TSPAN5: variants seen among roughly 807,000 people sequenced by gnomAD.
TSPAN5 encodes tetraspanin-5.
A neutral mutation model predicts 37.1 loss-of-function variants in TSPAN5; 10 were observed. The observed-to-expected ratio is 0.27, with a 90% CI of 0.17 to 0.46. The LOEUF (loss-of-function observed/expected upper bound fraction) is 0.46. TSPAN5 is among the 20% of genes least tolerant of loss of function. TSPAN5 has a pLI of 1.00. For missense variants in TSPAN5, 195 were observed against 326.6 expected (o/e 0.60, Z 3.11); for synonymous variants, 110 against 118.9 (o/e 0.93, Z 0.48).
intron 1 of TSPAN5, among the ~76,000 whole-genome samples, chr4:98,523,497 C>T (rs922054330): frequency 1.3e-5 from 2 of 152,118 alleles, no homozygotes; most frequent in Admixed American, 6.6e-5. Context: ...TGCAGAGGCG[C>T]GTGCTCGGCT....
intron 2 of TSPAN5, among the ~76,000 whole-genome samples, chr4:98,491,823 G>C (rs975383367): frequency 6.6e-6 from 1 of 152,058 alleles, no homozygotes; most frequent in Non-Finnish European, 1.5e-5. Context: ...ATTTCATTCA[G>C]CTCAATTTGA....
At chr4:98,642,722 G>A (rs1263169852) in intron 1 of TSPAN5, among the ~76,000 whole-genome samples, 4 of 152,028 alleles carry the variant, frequency 2.6e-5, no homozygotes, top group Non-Finnish European at 5.9e-5. Flanking sequence ...GTCTAGTGAT[G>A]TATTGATGAT....
chr4:98,536,941 G>A (rs890912347), intron 1 of TSPAN5, among the ~76,000 whole-genome samples: 4 of 152,192 alleles, frequency 2.6e-5, no homozygotes, highest in African/African-American at 7.2e-5. Flanking sequence ...GCTCTGTGGG[G>A]GTGGGACCCG....
intron 1 of TSPAN5, among the ~76,000 whole-genome samples, chr4:98,530,728 T>TAC (rs1229552892): frequency 4.2e-5 from 3 of 71,316 alleles, no homozygotes. Context: ...ACACACATAT[T>TAC]ATACACACAC....
At chr4:98,543,398 T>A (rs1041386396) in intron 1 of TSPAN5, among the ~76,000 whole-genome samples, 42 of 148,104 alleles carry the variant, frequency 2.8e-4, no homozygotes, top group Admixed American at 1.7e-3. Context: ...AATACATACA[T>A]AACAATTCTG....
chr4:98,590,256 G>A (rs560954899), intron 1 of TSPAN5, among the ~76,000 whole-genome samples: 1 of 152,264 alleles, frequency 6.6e-6, no homozygotes, highest in Admixed American at 6.5e-5. Flanking sequence ...CCTGAGCCAG[G>A]AAGCTGCCCA....
chr4:98,618,504 CG>C (rs1756399275), intron 1 of TSPAN5, among the ~76,000 whole-genome samples: 1 of 152,162 alleles, frequency 6.6e-6, no homozygotes, highest in Non-Finnish European at 1.5e-5. Context: ...AGCTTCACTA[CG>C]TGGCAAACTG....
At chr4:98,542,867 G>A (rs1754391151) in intron 1 of TSPAN5, among the ~76,000 whole-genome samples, 1 of 152,044 alleles carries the variant, frequency 6.6e-6, no homozygotes, top group South Asian at 2.1e-4. Flanking sequence ...GTATTGCTGA[G>A]TTCTAGGTCC....
At chr4:98,524,334 A>T (rs1753915842) in intron 1 of TSPAN5, among the ~76,000 whole-genome samples, 1 of 152,256 alleles carries the variant, frequency 6.6e-6, no homozygotes, top group Non-Finnish European at 1.5e-5. Flanking sequence ...TTAGGTTCAC[A>T]TTAATTTACA....
At chr4:98,586,998 C>A (rs900619113) in intron 1 of TSPAN5, among the ~76,000 whole-genome samples, 5 of 152,178 alleles carry the variant, frequency 3.3e-5, no homozygotes, top group Non-Finnish European at 5.9e-5. Flanking sequence ...GAATTGAATG[C>A]ACCGGCAGTT....
chr4:98,654,701 T>C (rs773633158), intron 1 of TSPAN5, among the ~76,000 whole-genome samples: 8 of 152,220 alleles, frequency 5.3e-5, no homozygotes, highest in Non-Finnish European at 8.8e-5. Flanking sequence ...TCAGATTTTA[T>C]ACATGAAGCT....
At chr4:98,518,574 A>C (rs189673317) in intron 1 of TSPAN5, among the ~76,000 whole-genome samples, 1 of 152,346 alleles carries the variant, frequency 6.6e-6, no homozygotes, top group East Asian at 1.9e-4. Flanking sequence ...CGGCGATAGA[A>C]AGACTATCTC....
chr4:98,618,256 C>A (rs1411491076), intron 1 of TSPAN5, among the ~76,000 whole-genome samples: 4 of 105,072 alleles, frequency 3.8e-5, no homozygotes, highest in African/African-American at 2.0e-4. Flanking sequence ...TTAATAAATG[C>A]TTTTCAAAAA....
chr4:98,536,109 G>A (rs770059839), intron 1 of TSPAN5, among the ~76,000 whole-genome samples: 3 of 152,140 alleles, frequency 2.0e-5, no homozygotes, highest in Non-Finnish European at 2.9e-5. Flanking sequence ...GAGAAGAGGT[G>A]TTCTTGTTTT....
chr4:98,591,162 A>G (rs903612564), intron 1 of TSPAN5, among the ~76,000 whole-genome samples: 1 of 151,024 alleles, frequency 6.6e-6, no homozygotes, highest in Non-Finnish European at 1.5e-5. Flanking sequence ...CAACAAAATA[A>G]CATACCAGAG....
At chr4:98,581,309 GA>G (rs1755364871) in intron 1 of TSPAN5, among the ~76,000 whole-genome samples, 1 of 152,066 alleles carries the variant, frequency 6.6e-6, no homozygotes, top group Non-Finnish European at 1.5e-5. Flanking sequence ...AGCTTAAAGG[GA>G]AAAATCTGAT....
intron 1 of TSPAN5, among the ~76,000 whole-genome samples, chr4:98,565,008 C>T: frequency 6.6e-6 from 1 of 152,156 alleles, no homozygotes; most frequent in East Asian, 1.9e-4. Context: ...CCTCACACGT[C>T]ACAGGCCCTG....
At chr4:98,607,482 T>C (rs1351910488) in intron 1 of TSPAN5, among the ~76,000 whole-genome samples, 2 of 152,192 alleles carry the variant, frequency 1.3e-5, no homozygotes, top group African/African-American at 4.8e-5. Context: ...TCTTTTTACT[T>C]TGGTTTCCAG....
At position 98,582,089 on chromosome 4, in the gene TSPAN5, G is replaced by C. The variant is rs556161803; in HGVS notation, c.82-74361C>G. 5.9e-5 allele frequency among the ~76,000 whole-genome samples: 9 copies of C among 152,134 alleles called. No homozygotes were observed. The South Asian group carries it at 1.9e-3, about 32-fold the overall frequency. ...TAGGGAAATGGAGGCCCCGAGTTTTGGCATGAATGAAGGTTGCCAGGTGGA... is the reference window on the plus strand; with the variant it reads ...TAGGGAAATGGAGGCCCCGAGTTTTCGCATGAATGAAGGTTGCCAGGTGGA... On this transcript the variant is annotated intron_variant, in intron 1 of 7. Transcript: ENST00000305798.
Sources: allele counts gnomAD v4.1 joint callset (sites outside exome capture counted in the v4.1 genomes callset), GRCh38; gene constraint gnomAD v4.1.1; transcripts MANE v1.5; gene names NCBI Gene and HGNC (gene_info 2026-07-23, HGNC 2026-07-21).